CD28: variants seen among roughly 807,000 people sequenced by gnomAD.
The protein encoded by CD28 is CD28 molecule, also known as T-cell-specific surface glycoprotein CD28.
A neutral mutation model predicts 21.4 loss-of-function variants in CD28; 8 were observed. That is an observed-to-expected ratio of 0.37 (90% CI 0.22 to 0.68). The LOEUF is 0.68. CD28 is among the 30% of genes least tolerant of loss of function. CD28 has a pLI of 0.55. For synonymous variants in CD28, 106 were observed against 104.0 expected, an observed-to-expected ratio of 1.02 and a Z score of -0.12; for missense variants, 239 against 272.2, an observed-to-expected ratio of 0.88 and a Z score of 0.86.
intron 1 of CD28, among the ~76,000 whole-genome samples, chr2:203,719,191 T>A (rs1559552587): frequency 6.6e-6 from 1 of 152,270 alleles, no homozygotes; most frequent in East Asian, 1.9e-4. Flanking sequence ...AAATTACATC[T>A]TAGCTCTTCC....
rs1331849129 is a variant in CD28 at position 203,735,076 on chromosome 2, T to C, written c.*164T>C. The C allele has an allele frequency of 1.4e-6, 1 of 735,854 alleles. No homozygotes were observed. Among genetic ancestry groups the C allele is most frequent in the Admixed American group, 3.0e-5 (1 of 33,306 alleles). The allele number at this position is 735,854 out of a possible 1,614,324, so 45.6% of individuals were successfully genotyped here. On this transcript the variant is annotated 3_prime_UTR_variant, in exon 4 of 4. Transcript: ENST00000324106. ...GACTAGACCAAATATCAAGATCATT[T>C]TGAGACTCTGAAATGAAGTAAAAGA... is the stretch of plus-strand genomic sequence containing the variant.
chr2:203,729,818 G>A (rs376179753), intron 3 of CD28, 46 bp downstream of exon 3: 1 of 1,596,828 alleles, frequency 6.3e-7, no homozygotes, highest in Non-Finnish European at 8.5e-7. Flanking sequence ...CACTGCACAT[G>A]AAATCTGAAC....
At chr2:203,717,873 C>T (rs1197304786) in intron 1 of CD28, among the ~76,000 whole-genome samples, 1 of 152,140 alleles carries the variant, frequency 6.6e-6, no homozygotes, top group Non-Finnish European at 1.5e-5. Flanking sequence ...ATCTTCATTT[C>T]TTGTGAAAAT....
intron 1 of CD28, among the ~76,000 whole-genome samples, chr2:203,725,606 T>A (rs1275172462): frequency 6.6e-6 from 1 of 152,238 alleles, no homozygotes; most frequent in Non-Finnish European, 1.5e-5. Flanking sequence ...TCTTTGCTTT[T>A]AAAGATTGAA....
intron 1 of CD28, among the ~76,000 whole-genome samples, chr2:203,716,365 G>A (rs1173184428): frequency 1.3e-5 from 2 of 152,136 alleles, no homozygotes; most frequent in Admixed American, 6.6e-5. Flanking sequence ...CATGTACCAC[G>A]GATGGCTTCG....
At position 203,736,277 on chromosome 2, in the gene CD28, T is replaced by C. The variant is rs1206975586; in HGVS notation, c.*1365T>C. On this transcript the variant is annotated 3_prime_UTR_variant, in exon 4 of 4. Transcript: ENST00000324106. ...TGAGGATGAGTCCCAAGAAGGTTCT[T>C]TGGAAGGAGGACGAATAGAATGGAG... is the stretch of plus-strand genomic sequence containing the variant. The C allele has an allele frequency of 1.3e-5, 2 of 152,526 alleles. No homozygotes were observed. The highest frequency in any genetic ancestry group is 4.8e-5 in the African/African-American group (2 of 41,408). The allele number at this position is 152,526 out of a possible 1,614,324, so 9.4% of individuals were successfully genotyped here.
chr2:203,727,977 A>AT (rs1057339420), intron 2 of CD28, among the ~76,000 whole-genome samples: 1 of 132,832 alleles, frequency 7.5e-6, no homozygotes, highest in African/African-American at 2.9e-5. Flanking sequence ...GCGCCCAGCC[A>AT]TTTTTTGTAC....
intron 1 of CD28, among the ~76,000 whole-genome samples, chr2:203,708,057 A>T (rs923062695): frequency 6.6e-6 from 1 of 152,202 alleles, no homozygotes; most frequent in African/African-American, 2.4e-5. Flanking sequence ...CCTGAAAGAT[A>T]CATTGAAAAG....
chr2:203,710,944 G>A (rs192576620), intron 1 of CD28, among the ~76,000 whole-genome samples: 4 of 152,202 alleles, frequency 2.6e-5, no homozygotes, highest in African/African-American at 9.6e-5. Context: ...CTTCACAGAG[G>A]CTGGAACTTT....
At position 203,729,296 on chromosome 2, in the gene CD28, A is replaced by G. The variant is rs564613732; in HGVS notation, c.410-352A>G. Among the ~76,000 whole-genome samples, 7 of 152,318 alleles carry G rather than the reference A, an allele frequency of 4.6e-5. No homozygotes were observed. In the East Asian group the frequency reaches 1.4e-3, roughly 29 times the overall value. ...ATTATTTAACTTATTCCAAGGATGC[A>G]GTTTAGGGTCTAGATTAACTATCTT... On this transcript the variant is annotated intron_variant, in intron 2 of 3. Transcript: ENST00000324106.
At chr2:203,725,056 C>T (rs894128582) in intron 1 of CD28, among the ~76,000 whole-genome samples, 4 of 151,940 alleles carry the variant, frequency 2.6e-5, no homozygotes, top group East Asian at 1.9e-4. Context: ...TTTGGGAGGC[C>T]GAGGCGGTGG....
chr2:203,728,492 T>C (rs960539568), intron 2 of CD28, among the ~76,000 whole-genome samples: 3 of 152,214 alleles, frequency 2.0e-5, no homozygotes, highest in African/African-American at 7.2e-5. Flanking sequence ...TGCCAATGAA[T>C]GGTTTTTCTT....
intron 1 of CD28, among the ~76,000 whole-genome samples, chr2:203,726,320 T>A (rs1459344490): frequency 6.6e-6 from 1 of 152,196 alleles, no homozygotes; most frequent in African/African-American, 2.4e-5. Context: ...ATGATTAATA[T>A]TAATGTCTCA....
At chr2:203,710,442 CTG>C (rs1458857752) in intron 1 of CD28, among the ~76,000 whole-genome samples, 27 of 152,316 alleles carry the variant, frequency 1.8e-4, no homozygotes, top group Non-Finnish European at 2.9e-5. Flanking sequence ...AGAAATGAAT[CTG>C]TGATTGTAAC....
upstream of CD28, chr2:203,706,540 G>A (rs769258035): frequency 1.9e-6 from 3 of 1,559,012 alleles, no homozygotes; most frequent in Admixed American, 1.9e-5. Context: ...TGTGGTTTGA[G>A]TGCCTTGATC....
chr2:203,734,067 T>C lies in CD28; in HGVS notation c.535-717T>C, dbSNP rs539499993. ...AATCTGATGGCTTTCTGTTTTTAGA[T>C]GTTTTCTGGGTCATTTGTTAAGAAA... On this transcript the variant is annotated intron_variant, in intron 3 of 3. Transcript: ENST00000324106. Among the ~76,000 whole-genome samples, 13 of 152,352 alleles carry C rather than the reference T, an allele frequency of 8.5e-5. 1 individual carries two copies. The South Asian group carries it at 2.7e-3, about 32-fold the overall frequency.
At position 203,738,299 on chromosome 2, in the gene CD28, T is replaced by G. The variant is rs1200704900; in HGVS notation, c.*3387T>G. The G allele has an allele frequency of 6.6e-6, 1 of 152,166 alleles. No homozygotes were observed. The highest frequency in any genetic ancestry group is 6.5e-5 in the Admixed American group (1 of 15,274). 9.4% of individuals were successfully genotyped at this position (152,166 alleles called of 1,614,324 possible). On this transcript the variant is annotated 3_prime_UTR_variant, in exon 4 of 4. Coordinates refer to ENST00000324106, the MANE Select transcript of CD28 (RefSeq NM_006139.4). ...GATCCCTTATCCCAGCCATTTGCAC[T>G]GCCAGCTGGGAACTATACCAGACCT...
At chr2:203,716,686 T>G (rs911508355) in intron 1 of CD28, among the ~76,000 whole-genome samples, 2 of 152,202 alleles carry the variant, frequency 1.3e-5, no homozygotes, top group Non-Finnish European at 2.9e-5. Context: ...TTGACTTACT[T>G]TCTGACAGTT....
intron 3 of CD28, among the ~76,000 whole-genome samples, chr2:203,730,854 A>C (rs2106123377): frequency 6.6e-6 from 1 of 152,314 alleles, no homozygotes; most frequent in Middle Eastern, 3.4e-3. Flanking sequence ...TGGGTCAGTG[A>C]TTTCTGAAAG....
Sources: gnomAD v4.1 joint callset for allele counts (sites outside exome capture counted in the v4.1 genomes callset) on GRCh38, gnomAD v4.1.1 for gene constraint, MANE v1.5 for transcripts, NCBI Gene and HGNC (gene_info 2026-07-23, HGNC 2026-07-21) for gene names.